The following HDAC4 variants were observed in gnomAD, a reference collection of about 807,000 sequenced individuals.
The protein encoded by HDAC4 is histone deacetylase 4, also known as histone deacetylase A.
HDAC4 carries 16 observed loss-of-function variants against 135.1 expected under a neutral mutation model. The observed-to-expected ratio is 0.12, with a 90% CI of 0.08 to 0.18. The LOEUF (loss-of-function observed/expected upper bound fraction) is 0.18. Among genes scored for constraint, HDAC4 ranks in the 10% least tolerant of loss-of-function variants. HDAC4 has a pLI of 1.00. For synonymous variants in HDAC4, 685 were observed against 653.4 expected, an observed-to-expected ratio of 1.05 and a Z score of -0.74; for missense variants, 1,143 against 1,511.8, an observed-to-expected ratio of 0.76 and a Z score of 4.05.
rs977859791 is a variant in HDAC4, at chr2:239,388,670, C to T, written c.-220+12308G>A. Among the ~76,000 whole-genome samples, 37 of 152,212 alleles carry T rather than the reference C, an allele frequency of 2.4e-4. 1 individual carries two copies. Among genetic ancestry groups the T allele is most frequent in the African/African-American group, 1.2e-4 (5 of 41,460 alleles). On this transcript the variant is annotated intron_variant, in intron 1 of 26. Transcript: ENST00000543185. Reference sequence around the variant, plus strand: ...ATCCTGTGGGTTGGAGCCCCCACCCCGCCCCTTGGGGTCACTGGGCTGCAG... The same window carrying T: ...ATCCTGTGGGTTGGAGCCCCCACCCTGCCCCTTGGGGTCACTGGGCTGCAG...
intron 2 of HDAC4, among the ~76,000 whole-genome samples, chr2:239,276,400 G>A (rs2050367863): frequency 6.6e-6 from 1 of 152,232 alleles, no homozygotes; most frequent in Admixed American, 6.5e-5. Flanking sequence ...ACAGGACGGG[G>A]GCAGGAGTGG....
chr2:239,146,905 G>C lies in HDAC4; in HGVS notation c.734-2191C>G, dbSNP rs1377716446. On this transcript the variant is annotated intron_variant, in intron 7 of 26. Transcript: ENST00000543185. The surrounding 1 kb of genome is among the most constrained non-coding windows in gnomAD (Gnocchi z 4.5). ...GCCTCCCAGCCTGCACACCTGCCTG[G>C]GCTCCCTGATTCTAGCCGACTGCAC... Among the ~76,000 whole-genome samples, 4 of 152,118 alleles carry C rather than the reference G, an allele frequency of 2.6e-5. No individual in the cohort carries two copies. Among genetic ancestry groups the C allele is most frequent in the Non-Finnish European group, 5.9e-5 (4 of 68,036 alleles).
Position 239,121,640 on chromosome 2 carries a change from G to A in HDAC4, c.1533+4816C>T, listed in dbSNP as rs115670102. Among the ~76,000 whole-genome samples, 975 of 152,292 alleles carry A rather than the reference G, an allele frequency of 6.4e-3. 11 individuals carry two copies. The highest frequency in any genetic ancestry group is 0.02 in the Middle Eastern group (6 of 294). On this transcript the variant is annotated intron_variant, in intron 12 of 26. Coordinates refer to ENST00000543185, the MANE Select transcript of HDAC4 (RefSeq NM_001378414.1). ...TCTGAAGTGTCCCCCGCTGCCGCAC[G>A]CCCCTCGGCCTGGAGGAGGGATCAT...
chr2:239,226,664 A>T (rs1208456366), intron 3 of HDAC4, among the ~76,000 whole-genome samples: 1 of 140,950 alleles, frequency 7.1e-6, no homozygotes, highest in Non-Finnish European at 1.6e-5. Flanking sequence ...GTAACATGTA[A>T]TGGGGGGGGT....
chr2:239,194,710 G>C (rs1356661812), intron 3 of HDAC4, among the ~76,000 whole-genome samples: 2 of 152,242 alleles, frequency 1.3e-5, no homozygotes, highest in Non-Finnish European at 2.9e-5. Context: ...ACAGCACAGA[G>C]AGGATGATGC....
intron 7 of HDAC4, among the ~76,000 whole-genome samples, chr2:239,150,328 C>T (rs1254636882): frequency 2.6e-5 from 4 of 151,690 alleles, no homozygotes; most frequent in African/African-American, 9.7e-5. Context: ...CACAGAAACA[C>T]AGATACAGAA....
intron 8 of HDAC4, among the ~76,000 whole-genome samples, chr2:239,144,017 T>C (rs1415942537): frequency 2.6e-5 from 4 of 152,210 alleles, no homozygotes; most frequent in Middle Eastern, 3.4e-3. Context: ...CGGGTGAGCC[T>C]TCAGGATGGG....
chr2:239,199,488 T>C (rs1194963238), intron 3 of HDAC4, among the ~76,000 whole-genome samples: 1 of 152,196 alleles, frequency 6.6e-6, no homozygotes, highest in Non-Finnish European at 1.5e-5. Flanking sequence ...AGAAAGGCAG[T>C]GTCATGCTTG....
chr2:239,358,250 G>A (rs4852054), intron 1 of HDAC4, among the ~76,000 whole-genome samples: 45,457 of 152,000 alleles, frequency 0.3, 8,364 homozygotes, highest in East Asian at 0.79. Context: ...TCAGTAATCT[G>A]CTTCCGTTCG....
At chr2:239,355,152 T>G (rs1472724645) in intron 1 of HDAC4, among the ~76,000 whole-genome samples, 1 of 152,238 alleles carries the variant, frequency 6.6e-6, no homozygotes, top group African/African-American at 2.4e-5. Context: ...AGTAAGAGTC[T>G]TTTATTTTGT....
chr2:239,321,772 C>T (rs1470947454), intron 2 of HDAC4, among the ~76,000 whole-genome samples: 13 of 152,156 alleles, frequency 8.5e-5, no homozygotes. Flanking sequence ...GAGCACAGAA[C>T]ATCACAGCTC....
chr2:239,215,928 T>G (rs1269265546), intron 3 of HDAC4, among the ~76,000 whole-genome samples: 1 of 152,160 alleles, frequency 6.6e-6, no homozygotes, highest in African/African-American at 2.4e-5. Context: ...AAGTAAATAT[T>G]TATGCCATTG....
intron 2 of HDAC4, among the ~76,000 whole-genome samples, chr2:239,348,918 C>T (rs895800889): frequency 1.3e-5 from 2 of 152,228 alleles, no homozygotes; most frequent in African/African-American, 4.8e-5. Context: ...AGCAATAAAA[C>T]CGTAACACAA....
chr2:239,071,134 G>A (rs2034157050), intron 22 of HDAC4, among the ~76,000 whole-genome samples: 1 of 151,698 alleles, frequency 6.6e-6, no homozygotes, highest in African/African-American at 2.4e-5. Context: ...CGGAGGGAGG[G>A]GTGCTGGGCA....
intron 21 of HDAC4, 39 bp downstream of exon 21, chr2:239,082,063 C>A: frequency 6.3e-7 from 1 of 1,595,804 alleles, no homozygotes; most frequent in Non-Finnish European, 8.6e-7. Context: ...TCCCCGCAGT[C>A]CCCCTTTCCC....
intron 3 of HDAC4, among the ~76,000 whole-genome samples, chr2:239,215,850 A>G (rs932657115): frequency 6.6e-6 from 1 of 152,146 alleles, no homozygotes; most frequent in Non-Finnish European, 1.5e-5. Context: ...ATAAAAAATC[A>G]CCCTGAATAA....
At chr2:239,063,770 C>A (rs2106549546) in intron 24 of HDAC4, among the ~76,000 whole-genome samples, 1 of 152,352 alleles carries the variant, frequency 6.6e-6, no homozygotes, top group South Asian at 2.1e-4. Context: ...GGTCACCCTG[C>A]CCTTGGCGTC....
At chr2:239,158,620 G>A (rs1401356466) in intron 6 of HDAC4, among the ~76,000 whole-genome samples, 1 of 151,986 alleles carries the variant, frequency 6.6e-6, no homozygotes, top group Admixed American at 6.5e-5. Flanking sequence ...GCGCCTCCCC[G>A]CTGGACCACC....
chr2:239,395,538 A>T (rs112027259), intron 1 of HDAC4, among the ~76,000 whole-genome samples: 8 of 152,368 alleles, frequency 5.3e-5, no homozygotes, highest in African/African-American at 1.9e-4. Flanking sequence ...AATGTTTTCA[A>T]ATTACTACTG....
Sources: allele counts gnomAD v4.1 joint callset (sites outside exome capture counted in the v4.1 genomes callset), GRCh38; gene constraint gnomAD v4.1.1; non-coding constraint Gnocchi (gnomAD v3.1); transcripts MANE v1.5; gene names NCBI Gene and HGNC (gene_info 2026-07-23, HGNC 2026-07-21).